The following KIF4A variants were observed in gnomAD, a reference collection of about 807,000 sequenced individuals.
KIF4A encodes chromosome-associated kinesin KIF4A.
In KIF4A, 7 loss-of-function variants were observed where a neutral mutation model predicts 105.9. The observed-to-expected ratio is 0.07, with a 90% CI of 0.04 to 0.12. The LOEUF (loss-of-function observed/expected upper bound fraction) is 0.12, where lower values mean the gene tolerates loss of function less well. Ranked by LOEUF, KIF4A falls within the 10% of genes least tolerant of loss-of-function variation. The pLI is 1.00. For synonymous variants in KIF4A, 281 were observed against 331.3 expected, an observed-to-expected ratio of 0.85 and a Z score of 1.65; for missense variants, 558 against 929.2, an observed-to-expected ratio of 0.60 and a Z score of 5.19.
chrX:70,396,190 C>G (rs2086258962), intron 22 of KIF4A, 141 bp downstream of exon 22: 4 of 425,816 alleles, frequency 9.4e-6, no homozygotes, highest in Admixed American at 8.6e-5. Flanking sequence ...AGACACTGTA[C>G]TAGGTATCTT....
At chrX:70,414,337 C>T in intron 28 of KIF4A, among the ~76,000 whole-genome samples, 1 of 111,322 alleles carries the variant, frequency 9.0e-6, no homozygotes, top group Non-Finnish European at 1.9e-5. Context: ...ATGAAAAAAA[C>T]TTAAAGGCTT....
intron 13 of KIF4A, among the ~76,000 whole-genome samples, chrX:70,344,238 G>T (rs1414045755): frequency 8.9e-6 from 1 of 112,112 alleles, no homozygotes; most frequent in African/African-American, 3.2e-5. Flanking sequence ...GTGCAAAATT[G>T]CCTAGGTAGC....
intron 13 of KIF4A, among the ~76,000 whole-genome samples, chrX:70,347,274 C>T (rs1203388638): frequency 9.0e-6 from 1 of 111,666 alleles, no homozygotes; most frequent in Non-Finnish European, 1.9e-5. Flanking sequence ...TATGAAATCA[C>T]GTTTTATTTT....
At chrX:70,304,761 C>G (rs1417490022) in intron 7 of KIF4A, among the ~76,000 whole-genome samples, 1 of 103,935 alleles carries the variant, frequency 9.6e-6, no homozygotes, top group Non-Finnish European at 1.9e-5. Context: ...CAGGTTCAGG[C>G]AGTTCTACTG....
chrX:70,351,381 T>C (rs1170424469), intron 13 of KIF4A, among the ~76,000 whole-genome samples: 4 of 112,470 alleles, frequency 3.6e-5, no homozygotes, highest in Non-Finnish European at 7.5e-5. Context: ...TTCCCACTTA[T>C]AAGTAAGGAC....
chrX:70,316,462 T>C (rs892192555), intron 7 of KIF4A, among the ~76,000 whole-genome samples: 3 of 111,084 alleles, frequency 2.7e-5, no homozygotes, highest in African/African-American at 9.8e-5. Context: ...TATAAATAGA[T>C]TACAGATGGA....
At position 70,402,510 on chromosome X, in the gene KIF4A, C is replaced by T. The variant is rs1337313293; in HGVS notation, c.2490-56C>T. ...TTGAAGTTTCTCCTCAGAGCTCTTC[C>T]CCCTTCTTGATGTTCAGGCTACTTG... On this transcript the variant is annotated intron_variant, in intron 22 of 30. Transcript: ENST00000374403. 5 of 1,172,735 alleles carry T rather than the reference C, an allele frequency of 4.3e-6. No homozygotes were observed. The East Asian group carries it at 1.2e-4, about 28-fold the overall frequency.
intron 18 of KIF4A, among the ~76,000 whole-genome samples, chrX:70,380,879 T>C (rs775365778): frequency 5.3e-5 from 6 of 112,401 alleles, no homozygotes; most frequent in Non-Finnish European, 1.1e-4. Context: ...TCTGGCACAG[T>C]GGCTCAAGCC....
chrX:70,299,577 A>G (rs1383902344), intron 5 of KIF4A, among the ~76,000 whole-genome samples: 1 of 111,908 alleles, frequency 8.9e-6, no homozygotes, highest in Non-Finnish European at 1.9e-5. Flanking sequence ...CACACTAGCC[A>G]CGTATGAAGT....
At chrX:70,402,234 C>A (rs1476492774) in intron 22 of KIF4A, among the ~76,000 whole-genome samples, 1 of 111,765 alleles carries the variant, frequency 8.9e-6, no homozygotes, top group Non-Finnish European at 1.9e-5. Context: ...ACAGTCTGAG[C>A]TTATATGGCC....
intron 29 of KIF4A, among the ~76,000 whole-genome samples, chrX:70,418,811 A>G (rs897360443): frequency 1.8e-5 from 2 of 112,122 alleles, no homozygotes; most frequent in Non-Finnish European, 3.8e-5. Context: ...CTGGCCGGGC[A>G]CGGTGGCTCA....
chrX:70,308,673 G>A (rs1376777743), intron 7 of KIF4A, among the ~76,000 whole-genome samples: 4 of 112,129 alleles, frequency 3.6e-5, no homozygotes, highest in African/African-American at 9.7e-5. Context: ...ACAGTGGCAC[G>A]ATCTCGGCTC....
At chrX:70,346,354 G>T (rs2085992608) in intron 13 of KIF4A, among the ~76,000 whole-genome samples, 1 of 111,318 alleles carries the variant, frequency 9.0e-6, no homozygotes, top group South Asian at 3.8e-4. Context: ...AAGCCCACTG[G>T]GGCCAAAACT....
At chrX:70,359,762 C>T (rs917186278) in intron 15 of KIF4A, among the ~76,000 whole-genome samples, 1 of 111,491 alleles carries the variant, frequency 9.0e-6, no homozygotes, top group Non-Finnish European at 1.9e-5. Flanking sequence ...ACATCATCCA[C>T]TTGCATGCTA....
chrX:70,408,044 G>A (rs2086307356), intron 28 of KIF4A, among the ~76,000 whole-genome samples: 1 of 108,411 alleles, frequency 9.2e-6, no homozygotes, highest in Non-Finnish European at 1.9e-5. Flanking sequence ...CTCCAGCCTG[G>A]GCAACAAGAG....
At chrX:70,329,351 A>G in intron 7 of KIF4A, 54 bp from the exon 8 acceptor site, 2 of 983,826 alleles carry the variant, frequency 2.0e-6, no homozygotes, top group South Asian at 2.2e-5. Context: ...GAAGAAACAT[A>G]GGTATATGTT....
At chrX:70,337,200 G>A (rs759434497) in intron 10 of KIF4A, among the ~76,000 whole-genome samples, 32 of 111,706 alleles carry the variant, frequency 2.9e-4, no homozygotes, top group African/African-American at 1.0e-3. Context: ...AAGCATGGGT[G>A]TACAGCTAGG....
In KIF4A at chrX:70,373,518, G is replaced by GTATA. The variant is rs1181391456; in HGVS notation, c.1675-632_1675-631insATAT. Among the ~76,000 whole-genome samples the GTATA allele has an allele frequency of 1.6e-3, 11 of 6,943 alleles. 3 individuals carry two copies. The highest frequency in any genetic ancestry group is 0.011 in the Admixed American group (4 of 365). The allele number at this position is 6,943 out of a possible 115,157, so 6.0% of individuals were successfully genotyped here. A position where few individuals can be genotyped will look rare whatever the true frequency, so the allele number is the denominator to read the frequency against. ...GGGCAACATATATATATACATGTGT[G>GTATA]TGTATGTATATATATATATATATAT... On this transcript the variant is annotated intron_variant, in intron 15 of 30. Transcript: ENST00000374403.
intron 15 of KIF4A, among the ~76,000 whole-genome samples, chrX:70,361,301 C>G (rs776681611): frequency 8.8e-6 from 1 of 113,708 alleles, no homozygotes; most frequent in Non-Finnish European, 1.9e-5. Flanking sequence ...ATTTGAGGTG[C>G]AGCATGCATG....
Sources: allele counts gnomAD v4.1 joint callset (sites outside exome capture counted in the v4.1 genomes callset), GRCh38; gene constraint gnomAD v4.1.1; transcripts MANE v1.5; gene names NCBI Gene and HGNC (gene_info 2026-07-23, HGNC 2026-07-21).